Variants in TICRR observed in about 807,000 individuals in gnomAD.
TICRR encodes TOPBP1 interacting checkpoint and replication regulator.
A neutral mutation model predicts 178.1 loss-of-function variants in TICRR; 132 were observed. The observed-to-expected ratio is 0.74, with a 90% confidence interval of 0.64 to 0.86. TICRR has a LOEUF of 0.86. TICRR is among the 40% of genes least tolerant of loss of function. TICRR has a pLI of 0.00. For missense variants in TICRR, 2,587 were observed against 2,334.3 expected, an observed-to-expected ratio of 1.11 and a Z score of -2.23; for synonymous variants, 991 against 900.7, an observed-to-expected ratio of 1.10 and a Z score of -1.79.
Position 89,624,402 on chromosome 15 carries a change from C to A in TICRR, c.4092C>A (p.Leu1364=). The change falls in exon 20 of 22, where the codon CTC becomes CTA. Residue 1364 remains leucine, a synonymous_variant. Transcript: ENST00000268138. ...CTGTTCCCTCAACTCCCCCTGAACT[C>A]TCACAGAGAGCTACATTGGACACCG... ...SCPVPSTPPE[L]SQRATLDTVP... The A allele has an allele frequency of 6.2e-7, 1 of 1,614,192 alleles. No individual in the cohort carries two copies. The highest frequency in any genetic ancestry group is 8.5e-7 in the Non-Finnish European group (1 of 1,180,042).
In TICRR at chr15:89,627,209, G is replaced by A. The variant is rs1324769188; in HGVS notation, c.*123G>A. 32 of 1,205,232 alleles carry A rather than the reference G, an allele frequency of 2.7e-5. No homozygotes were observed. The East Asian group carries it at 7.1e-4, about 27-fold the overall frequency. The allele number at this position is 1,205,232 out of a possible 1,614,324, so 74.7% of individuals were successfully genotyped here. On this transcript the variant is annotated 3_prime_UTR_variant, in exon 22 of 22. Coordinates refer to ENST00000268138, the MANE Select transcript of TICRR (RefSeq NM_152259.4). ...TCAGTGTTCAGATTGCCATTAGAAT[G>A]CCTTAGGGTTTTCTAATTCCCCTTA...
intron 3 of TICRR, 99 bp from the exon 4 acceptor site, chr15:89,585,609 A>G: frequency 1.2e-6 from 1 of 825,930 alleles, no homozygotes; most frequent in African/African-American, 1.7e-5. Flanking sequence ...TCACGTTAAT[A>G]ATAATTGGGA....
intron 12 of TICRR, 76 bp from the exon 13 acceptor site, chr15:89,602,720 T>A (rs1000689738): frequency 3.1e-6 from 2 of 650,908 alleles, no homozygotes; most frequent in Non-Finnish European, 4.5e-6. Flanking sequence ...TTATTTTACT[T>A]AGACTCCAGT....
In TICRR at chr15:89,599,474, A is replaced by T; in HGVS notation, c.2051A>T (p.Glu684Val). ...AAATCAAAAGGCACCAAGGAATTAG[A>T]AGTAAGAGGGTCCAGATATTGTTGT... ...FLKSKGTKEL[E>V]VNCLNQVKSS... Residue 684 changes from glutamate (E) to valine (V), a missense_variant and splice_region_variant, in exon 8 of 22, where the codon GAA becomes GTA. By Grantham distance (121) the Glu-to-Val change is moderately radical (BLOSUM62 -2). Transcript: ENST00000268138. The T allele has an allele frequency of 6.2e-7, 1 of 1,611,250 alleles. No homozygotes were observed. Among genetic ancestry groups the T allele is most frequent in the South Asian group, 1.1e-5 (1 of 90,476 alleles).
intron 5 of TICRR, among the ~76,000 whole-genome samples, 190 bp downstream of exon 5, chr15:89,592,366 TATAA>T (rs977291955): frequency 2.0e-5 from 3 of 152,084 alleles, no homozygotes; most frequent in African/African-American, 7.2e-5. Context: ...GTTAACAATA[TATAA>T]ATATATACCT....
rs535036633 is a variant in TICRR, at chr15:89,586,937, T to C, written c.1411+995T>C. 3.9e-5 allele frequency among the ~76,000 whole-genome samples: 6 copies of C among 152,290 alleles called. No individual in the cohort carries two copies. In the South Asian group the frequency reaches 1.0e-3, roughly 26 times the overall value. Reference sequence around the variant, plus strand: ...TGGGTGATTTTCTGCAGTGACACCATCTGACTTATGTTTTAACAGCATTAC... The same window carrying C: ...TGGGTGATTTTCTGCAGTGACACCACCTGACTTATGTTTTAACAGCATTAC... On this transcript the variant is annotated intron_variant, in intron 4 of 21. Transcript: ENST00000268138.
intron 9 of TICRR, among the ~76,000 whole-genome samples, 200 bp downstream of exon 9, chr15:89,600,885 A>C (rs1963082651): frequency 6.6e-6 from 1 of 151,970 alleles, no homozygotes; most frequent in Non-Finnish European, 1.5e-5. Flanking sequence ...TCTACCAAAA[A>C]ATTTTTTTTA....
chr15:89,576,340 A>T (rs2141947471), intron 1 of TICRR, 100 bp downstream of exon 1: 3 of 1,080,234 alleles, frequency 2.8e-6, no homozygotes, highest in South Asian at 3.4e-5. Context: ...CCCGAATGAG[A>T]CTAATATGAC....
intron 21 of TICRR, 69 bp from the exon 22 acceptor site, chr15:89,626,887 T>C (rs1963537689): frequency 6.4e-7 from 1 of 1,568,550 alleles, no homozygotes; most frequent in Admixed American, 1.8e-5. Flanking sequence ...CCCTCTGCAA[T>C]TTAAGCCAAT....
rs776699086 is a variant in TICRR, at chr15:89,599,416, C to G, written c.1993C>G (p.Arg665Gly). 1 of 1,613,284 alleles carries G rather than the reference C, an allele frequency of 6.2e-7. No homozygotes were observed. Among genetic ancestry groups the G allele is most frequent in the Non-Finnish European group, 8.5e-7 (1 of 1,179,708 alleles). ...AGAAATCATGTTGTATGCATGTGCT[C>G]GAAACATGATCTCAACCGTTAAAAT... ...TGEIMLYACA[R>G]NMISTVKMFL... is the part of the protein sequence containing the mutation. Residue 665 changes from arginine (R) to glycine (G), a missense_variant, in exon 8 of 22, where the codon CGA becomes GGA. Coordinates refer to ENST00000268138, the MANE Select transcript of TICRR (RefSeq NM_152259.4).
chr15:89,590,678 G>C (rs1487310671), intron 4 of TICRR, among the ~76,000 whole-genome samples: 5 of 152,104 alleles, frequency 3.3e-5, no homozygotes, highest in African/African-American at 9.7e-5. Context: ...CCATCTAGAC[G>C]GAGTTAGCAT....
intron 15 of TICRR, among the ~76,000 whole-genome samples, chr15:89,610,012 G>A (rs183833722): frequency 1.1e-4 from 17 of 151,926 alleles, no homozygotes; most frequent in South Asian, 6.2e-4. Flanking sequence ...TGGTTATTTC[G>A]GAGCGCATTA....
chr15:89,626,202 G>C, intron 21 of TICRR, 141 bp downstream of exon 21: 1 of 858,416 alleles, frequency 1.2e-6, no homozygotes, highest in Non-Finnish European at 1.7e-6. Context: ...AGCGTCATGT[G>C]TGCCCTTCCC....
chr15:89,594,588 T>G, intron 6 of TICRR, 34 bp downstream of exon 6: 3 of 1,487,004 alleles, frequency 2.0e-6, no homozygotes, highest in Non-Finnish European at 2.7e-6. Context: ...CTTAAGGCAT[T>G]CTTTTTTGAG....
chr15:89,584,193 A>T lies in TICRR; in HGVS notation c.935-93A>T, dbSNP rs1404114336. 1.9e-5 allele frequency: 23 copies of T among 1,235,444 alleles called. No individual in the cohort carries two copies. In the East Asian group the frequency reaches 3.6e-4, roughly 20 times the overall value. The allele number at this position is 1,235,444 out of a possible 1,614,324, so 76.5% of individuals were successfully genotyped here. Reference sequence around the variant, plus strand: ...TTGATTATTTTCTTATTGTTATTAAATCTCTTTTTAGTATCTATTCCTTAT... The same window carrying T: ...TTGATTATTTTCTTATTGTTATTAATTCTCTTTTTAGTATCTATTCCTTAT... On this transcript the variant is annotated intron_variant, in intron 2 of 21. Transcript: ENST00000268138.
In TICRR at chr15:89,584,609, C is replaced by T. The variant is rs1001012628; in HGVS notation, c.1176+82C>T. On this transcript the variant is annotated intron_variant, in intron 3 of 21. Coordinates refer to ENST00000268138, the MANE Select transcript of TICRR (RefSeq NM_152259.4). ...AATAAGTGTGTTTATAAATGCCCTACACAATATAGTCTTAGTAAAACTGAT... is the reference window on the plus strand; with the variant it reads ...AATAAGTGTGTTTATAAATGCCCTATACAATATAGTCTTAGTAAAACTGAT... 5.7e-6 allele frequency: 8 copies of T among 1,393,424 alleles called. No individual in the cohort carries two copies. In the African/African-American group the frequency reaches 1.0e-4, roughly 18 times the overall value. 86.3% of individuals were successfully genotyped at this position (1,393,424 alleles called of 1,614,324 possible).
At chr15:89,586,357 C>CATATAT (rs142659213) in intron 4 of TICRR, among the ~76,000 whole-genome samples, 1 of 150,546 alleles carries the variant, frequency 6.6e-6, no homozygotes, top group Middle Eastern at 3.5e-3. Context: ...TATACGTATA[C>CATATAT]ATATATATAT....
chr15:89,627,234 A>C lies in TICRR; in HGVS notation c.*148A>C, dbSNP rs1963548620. 2.2e-6 allele frequency: 2 copies of C among 922,288 alleles called. No individual in the cohort carries two copies. Among genetic ancestry groups the C allele is most frequent in the South Asian group, 1.8e-5 (1 of 56,704 alleles). 57.1% of individuals were successfully genotyped at this position (922,288 alleles called of 1,614,324 possible). On this transcript the variant is annotated 3_prime_UTR_variant, in exon 22 of 22. Transcript: ENST00000268138. ...GCCTTAGGGTTTTCTAATTCCCCTT[A>C]TGGATCCAATCCATCTCCTGGCCCT... is the stretch of plus-strand genomic sequence containing the variant.
intron 4 of TICRR, among the ~76,000 whole-genome samples, chr15:89,591,057 C>G (rs975483362): frequency 1.3e-5 from 2 of 152,208 alleles, no homozygotes; most frequent in African/African-American, 4.8e-5. Flanking sequence ...AATTTTCCTA[C>G]TCAGTGCAGC....
Sources: gnomAD v4.1 joint callset for allele counts (sites outside exome capture counted in the v4.1 genomes callset) on GRCh38, gnomAD v4.1.1 for gene constraint, MANE v1.5 for transcripts, NCBI Gene and HGNC (gene_info 2026-07-23, HGNC 2026-07-21) for gene names.